The following UST variants were observed in gnomAD, a reference collection of about 807,000 sequenced individuals.
UST encodes uronyl 2-sulfotransferase.
UST carries 21 observed loss-of-function variants against 45.6 expected under a neutral mutation model. The observed-to-expected ratio is 0.46, with a 90% CI of 0.33 to 0.66. The LOEUF (loss-of-function observed/expected upper bound fraction) is 0.66. Ranked by LOEUF, UST falls within the 30% of genes least tolerant of loss-of-function variation. The pLI is 0.02. For missense variants in UST, 463 were observed against 512.4 expected (o/e 0.90, Z 0.93); for synonymous variants, 215 against 200.6 (o/e 1.07, Z -0.61).
chr6:149,046,862 G>C (rs1776404668), intron 7 of UST, among the ~76,000 whole-genome samples: 1 of 152,168 alleles, frequency 6.6e-6, no homozygotes, highest in Non-Finnish European at 1.5e-5. Context: ...GCATTCCCTG[G>C]TGTGATCCCT....
At chr6:149,071,439 ATCT>A (rs769226045) in intron 7 of UST, among the ~76,000 whole-genome samples, 86 of 152,312 alleles carry the variant, frequency 5.6e-4, no homozygotes, top group Non-Finnish European at 9.6e-4. Flanking sequence ...GTGAGGGCAA[ATCT>A]TCATGACCTT....
At chr6:148,750,295 G>T (rs768998575) in intron 1 of UST, among the ~76,000 whole-genome samples, 40 of 152,172 alleles carry the variant, frequency 2.6e-4, no homozygotes, top group Admixed American at 7.2e-4. Context: ...CCAACCTGTT[G>T]TATCAAACAG....
chr6:148,952,252 G>C (rs1433146336), intron 3 of UST, among the ~76,000 whole-genome samples: 1 of 152,164 alleles, frequency 6.6e-6, no homozygotes, highest in Non-Finnish European at 1.5e-5. Context: ...AATGAACAAC[G>C]TGACCACGCA....
chr6:148,993,298 C>G lies in UST; in HGVS notation c.682-25841C>G, dbSNP rs147064825. On this transcript the variant is annotated intron_variant, in intron 5 of 7. Transcript: ENST00000367463. ...ACCCTGGGCTGGGGGCCAGGAAGAT[C>G]TTGGGCACCATCTGCATAATAGTCT... Among the ~76,000 whole-genome samples the G allele has an allele frequency of 3.2e-4, 49 of 152,098 alleles. No individual in the cohort carries two copies. The East Asian group carries it at 9.1e-3, about 28-fold the overall frequency.
At chr6:148,813,175 A>G (rs1314040127) in intron 1 of UST, among the ~76,000 whole-genome samples, 1 of 152,182 alleles carries the variant, frequency 6.6e-6, no homozygotes, top group Non-Finnish European at 1.5e-5. Context: ...TCTACATTTT[A>G]CAAAGCATGT....
At position 149,074,725 on chromosome 6, in the gene UST, ACT is replaced by A. The variant is rs1776867326; in HGVS notation, c.*612_*613del. Reference sequence around the variant, plus strand: ...ACTCCAGCCTGGGTGACAGAGTGAGACTCTGTCTCAATTAATTTTTTTTTTTT... The same window carrying A: ...ACTCCAGCCTGGGTGACAGAGTGAGACTGTCTCAATTAATTTTTTTTTTTT... On this transcript the variant is annotated 3_prime_UTR_variant, in exon 8 of 8. Coordinates refer to ENST00000367463, the MANE Select transcript of UST (RefSeq NM_005715.3). 6.6e-6 allele frequency: 1 copy of A among 151,456 alleles called. No homozygotes were observed. Among genetic ancestry groups the A allele is most frequent in the Non-Finnish European group, 1.5e-5 (1 of 68,166 alleles). 9.4% of individuals were successfully genotyped at this position (151,456 alleles called of 1,614,324 possible). A position where few individuals can be genotyped will look rare whatever the true frequency, so the allele number is the denominator to read the frequency against.
intron 2 of UST, among the ~76,000 whole-genome samples, chr6:148,907,768 A>G (rs539541887): frequency 6.4e-4 from 97 of 152,282 alleles, no homozygotes; most frequent in African/African-American, 2.3e-3. Flanking sequence ...AGTGCTAACG[A>G]ATTTCATGAC....
At chr6:149,054,927 T>C (rs1303480944) in intron 7 of UST, among the ~76,000 whole-genome samples, 1 of 152,148 alleles carries the variant, frequency 6.6e-6, no homozygotes, top group Non-Finnish European at 1.5e-5. Flanking sequence ...GCTCAAGCAA[T>C]CTGAAAGAGA....
chr6:148,952,085 T>C (rs993324404), intron 3 of UST, among the ~76,000 whole-genome samples: 2 of 152,238 alleles, frequency 1.3e-5, no homozygotes, highest in African/African-American at 4.8e-5. Flanking sequence ...GAGAAATATC[T>C]GAATAAAATA....
At chr6:149,001,563 C>T (rs542162976) in intron 5 of UST, among the ~76,000 whole-genome samples, 1 of 152,166 alleles carries the variant, frequency 6.6e-6, no homozygotes, top group Non-Finnish European at 1.5e-5. Flanking sequence ...TATCAGATGA[C>T]AGTACAGTAA....
At chr6:149,017,166 A>G (rs1234231341) in intron 5 of UST, among the ~76,000 whole-genome samples, 2 of 152,214 alleles carry the variant, frequency 1.3e-5, no homozygotes, top group Non-Finnish European at 2.9e-5. Context: ...TCATGAGGTC[A>G]GGAGATGGAG....
chr6:149,040,881 G>T (rs1421473960), intron 7 of UST, among the ~76,000 whole-genome samples: 1 of 152,042 alleles, frequency 6.6e-6, no homozygotes, highest in African/African-American at 2.4e-5. Flanking sequence ...CATTTTCTCA[G>T]CCATCTTACT....
chr6:148,957,890 AC>A (rs779877683), intron 4 of UST, among the ~76,000 whole-genome samples: 2 of 152,188 alleles, frequency 1.3e-5, no homozygotes, highest in Non-Finnish European at 2.9e-5. Context: ...AAGAACTGAC[AC>A]TGCAACCTAA....
intron 5 of UST, among the ~76,000 whole-genome samples, chr6:149,017,333 C>T (rs1325889434): frequency 6.6e-6 from 1 of 151,348 alleles, no homozygotes; most frequent in Non-Finnish European, 1.5e-5. Context: ...GCCGAGATCA[C>T]GCCACTGCAG....
chr6:148,987,483 A>T (rs1040054097), intron 5 of UST, among the ~76,000 whole-genome samples: 3 of 152,206 alleles, frequency 2.0e-5, no homozygotes, highest in Non-Finnish European at 4.4e-5. Context: ...TGTAACGTGA[A>T]TAACAAAAAA....
chr6:149,065,399 C>T (rs1294345195), intron 7 of UST, among the ~76,000 whole-genome samples: 1 of 152,164 alleles, frequency 6.6e-6, no homozygotes, highest in Non-Finnish European at 1.5e-5. Flanking sequence ...CACCGATTAT[C>T]GTACAGCAAG....
In UST at chr6:148,767,626, A is replaced by G. The variant is rs192722212; in HGVS notation, c.247+19949A>G. Among the ~76,000 whole-genome samples the G allele has an allele frequency of 1.2e-3, 183 of 152,348 alleles. 3 individuals are homozygous for G. Among genetic ancestry groups the G allele is most frequent in the Admixed American group, 9.2e-3 (141 of 15,306 alleles). On this transcript the variant is annotated intron_variant, in intron 1 of 7. Transcript: ENST00000367463. ...ATAGCCAGAGAAAATAATTGGATGCACATAGAGTGAATAATTAGAATGACT... is the reference window on the plus strand; with the variant it reads ...ATAGCCAGAGAAAATAATTGGATGCGCATAGAGTGAATAATTAGAATGACT...
intron 5 of UST, among the ~76,000 whole-genome samples, chr6:148,988,376 C>G (rs1285244466): frequency 6.6e-6 from 1 of 151,980 alleles, no homozygotes; most frequent in East Asian, 1.9e-4. Context: ...GAGTTTGAGA[C>G]CAGCCTGGCT....
intron 1 of UST, among the ~76,000 whole-genome samples, chr6:148,828,493 T>G (rs1436853158): frequency 6.6e-6 from 1 of 152,140 alleles, no homozygotes; most frequent in East Asian, 1.9e-4. Flanking sequence ...TTCATTCACT[T>G]AAGACAAGCA....
Sources: gnomAD v4.1 joint callset for allele counts (sites outside exome capture counted in the v4.1 genomes callset) on GRCh38, gnomAD v4.1.1 for gene constraint, MANE v1.5 for transcripts, NCBI Gene and HGNC (gene_info 2026-07-23, HGNC 2026-07-21) for gene names.